The following MYO19 variants were observed in gnomAD, a reference collection of about 807,000 sequenced individuals.
MYO19 encodes unconventional myosin-XIX.
A neutral mutation model predicts 129.2 loss-of-function variants in MYO19; 132 were observed. That is an observed-to-expected ratio of 1.02 (90% CI 0.89 to 1.18). The LOEUF (loss-of-function observed/expected upper bound fraction) is 1.18, where lower values mean the gene tolerates loss of function less well. MYO19 is among the 50% of genes most tolerant of loss of function. The probability of loss-of-function intolerance (pLI) is 0.00; values close to 1 mark genes in which losing one functional copy is unlikely to be tolerated. For synonymous variants in MYO19, 531 were observed against 477.2 expected, an observed-to-expected ratio of 1.11 and a Z score of -1.47; for missense variants, 1,210 against 1,216.7, an observed-to-expected ratio of 0.99 and a Z score of 0.08.
chr17:36,537,032 T>G, upstream of MYO19: 2 of 1,391,620 alleles, frequency 1.4e-6, no homozygotes, highest in African/African-American at 1.4e-5. Flanking sequence ...TTAAGCCAGG[T>G]ATGCTAATTA....
chr17:36,503,453 CTT>C (rs1433695214), intron 20 of MYO19, among the ~76,000 whole-genome samples: 2 of 152,236 alleles, frequency 1.3e-5, no homozygotes, highest in African/African-American at 2.4e-5. Flanking sequence ...CAAAGCATCT[CTT>C]GTGTTAGCAG....
chr17:36,514,348 G>A (rs2072587136), intron 9 of MYO19, 98 bp downstream of exon 9: 1 of 783,276 alleles, frequency 1.3e-6, no homozygotes, highest in Admixed American at 2.0e-5. Flanking sequence ...GCTAGGTGAA[G>A]GAACCAGGTA....
At chr17:36,513,387 G>T in intron 11 of MYO19, 42 bp downstream of exon 11, 1 of 1,613,948 alleles carries the variant, frequency 6.2e-7, no homozygotes. Context: ...AGGGCTGCCC[G>T]TCATCTCTGC....
upstream of MYO19, chr17:36,537,548 C>G (rs2074159292): frequency 6.2e-7 from 1 of 1,614,132 alleles, no homozygotes; most frequent in South Asian, 1.1e-5. Flanking sequence ...CTGTGGACTT[C>G]CCACTTTTTC....
chr17:36,496,503 T>A lies in MYO19; in HGVS notation c.2758-97A>T, dbSNP rs1369917854. 3.4e-6 allele frequency: 4 copies of A among 1,174,088 alleles called. No individual in the cohort carries two copies. The African/African-American group carries it at 6.1e-5, about 18-fold the overall frequency. 72.7% of individuals were successfully genotyped at this position (1,174,088 alleles called of 1,614,324 possible). A position where few individuals can be genotyped will look rare whatever the true frequency, so the allele number is the denominator to read the frequency against. On this transcript the variant is annotated intron_variant, in intron 25 of 25. Transcript: ENST00000614623. ...CAGACGCTAAAAATGCAAGAAGGTA[T>A]GGACAAGTACTAGTATTGGGGGCCA...
intron 6 of MYO19, among the ~76,000 whole-genome samples, chr17:36,517,940 C>G (rs1371558893): frequency 6.6e-6 from 1 of 151,868 alleles, no homozygotes; most frequent in African/African-American, 2.4e-5. Flanking sequence ...AAATACAAAA[C>G]TTATCTGGGT....
chr17:36,515,361 GGGA>G (rs1180955438), intron 7 of MYO19, among the ~76,000 whole-genome samples, 179 bp from the exon 8 acceptor site: 1 of 152,156 alleles, frequency 6.6e-6, no homozygotes, highest in African/African-American at 2.4e-5. Context: ...TTTAGCAAGT[GGGA>G]TTCAGGGGAG....
intron 11 of MYO19, chr17:36,513,168 G>A (rs2072484307): frequency 5.0e-6 from 7 of 1,414,082 alleles, no homozygotes; most frequent in Non-Finnish European, 6.4e-6. Context: ...GCGGTACCTT[G>A]CTCTCTGCCC....
chr17:36,527,581 C>A lies in MYO19; in HGVS notation c.270G>T (p.Met90Ile). 1 of 1,613,926 alleles carries A rather than the reference C, an allele frequency of 6.2e-7. No homozygotes were observed. The highest frequency in any genetic ancestry group is 1.1e-5 in the South Asian group (1 of 91,060). Residue 90 changes from methionine (M) to isoleucine (I), a missense_variant, in exon 5 of 26, where the codon ATG (methionine) becomes ATT (isoleucine). Transcript: ENST00000614623. ...GCTGAGGCGCAGCATGGTACTCTCT[C>A]ATTAGCTCGGGCGAGTAGAGCTGAG... ...PVPQLYSPEL[M>I]REYHAAPQPQ...
intron 1 of MYO19, among the ~76,000 whole-genome samples, chr17:36,542,428 G>A (rs971472758): frequency 2.0e-5 from 3 of 152,114 alleles, no homozygotes; most frequent in Middle Eastern, 3.2e-3. Flanking sequence ...GGCTGGGCAC[G>A]TTGGCTCACG....
intron 25 of MYO19, chr17:36,497,658 C>T (rs996699142): frequency 2.1e-6 from 1 of 465,234 alleles, no homozygotes; most frequent in Non-Finnish European, 2.8e-6. Flanking sequence ...AATCTCGGCT[C>T]ACTGCAACCT....
At chr17:36,500,792 G>A (rs1412075763) in intron 23 of MYO19, 38 bp downstream of exon 23, 22 of 1,578,928 alleles carry the variant, frequency 1.4e-5, no homozygotes, top group Non-Finnish European at 1.5e-5. Flanking sequence ...ATCCTGTGGG[G>A]TCTGTGAGCA....
chr17:36,533,082 G>C (rs1250449456), intron 2 of MYO19: 1 of 156,016 alleles, frequency 6.4e-6, no homozygotes, highest in Non-Finnish European at 1.4e-5. Context: ...GGTGTGGTGT[G>C]GTAGTTTATA....
intron 21 of MYO19, 53 bp downstream of exon 21, chr17:36,503,044 G>C (rs1035181780): frequency 2.1e-5 from 31 of 1,444,400 alleles, no homozygotes; most frequent in Non-Finnish European, 2.9e-5. Flanking sequence ...GCACAGGGTA[G>C]ATGCTCAGTA....
intron 9 of MYO19, among the ~76,000 whole-genome samples, 190 bp from the exon 10 acceptor site, chr17:36,513,915 C>G (rs2072550753): frequency 6.6e-6 from 1 of 152,200 alleles, no homozygotes; most frequent in East Asian, 1.9e-4. Flanking sequence ...TGTCTCCAAC[C>G]TGATGCAAAA....
intron 3 of MYO19, among the ~76,000 whole-genome samples, chr17:36,529,963 C>A (rs980271351): frequency 6.6e-6 from 1 of 152,138 alleles, no homozygotes; most frequent in Admixed American, 6.5e-5. Flanking sequence ...GTAGAAGAAC[C>A]ACTTGGGCCT....
intron 6 of MYO19, among the ~76,000 whole-genome samples, chr17:36,519,468 G>T (rs546563178): frequency 1.3e-5 from 2 of 151,946 alleles, no homozygotes; most frequent in African/African-American, 4.8e-5. Flanking sequence ...TATCGTAATT[G>T]TCACTATGCC....
At chr17:36,515,024 T>C (rs1567761923) in intron 8 of MYO19, 89 bp downstream of exon 8, 16 of 1,240,292 alleles carry the variant, frequency 1.3e-5, no homozygotes, top group Non-Finnish European at 1.4e-5. Flanking sequence ...TTTTTGCCCA[T>C]AGGGGTGGCC....
chr17:36,505,936 T>TG (rs1567741049), intron 18 of MYO19, among the ~76,000 whole-genome samples: 1 of 151,566 alleles, frequency 6.6e-6, no homozygotes, highest in Non-Finnish European at 1.5e-5. Flanking sequence ...CTCCTCGAGG[T>TG]GGTGGTGATA....
Sources: allele counts gnomAD v4.1 joint callset (sites outside exome capture counted in the v4.1 genomes callset), GRCh38; gene constraint gnomAD v4.1.1; transcripts MANE v1.5; gene names NCBI Gene and HGNC (gene_info 2026-07-23, HGNC 2026-07-21).